THRB: variants seen among roughly 807,000 people sequenced by gnomAD.
THRB encodes thyroid hormone receptor beta, also known as nuclear receptor subfamily 1 group A member 2.
In THRB, 12 loss-of-function variants were observed where a neutral mutation model predicts 47.8. That is an observed-to-expected ratio of 0.25 (90% confidence interval 0.16 to 0.41). THRB has a LOEUF of 0.41. Ranked by LOEUF, THRB falls within the 10% of genes least tolerant of loss-of-function variation. The pLI is 1.00. For synonymous variants in THRB, 218 were observed against 212.2 expected (o/e 1.03, Z -0.24); for missense variants, 348 against 589.2 (o/e 0.59, Z 4.24).
At chr3:24,467,640 T>A (rs2074259570) in intron 1 of THRB, among the ~76,000 whole-genome samples, 1 of 152,206 alleles carries the variant, frequency 6.6e-6, no homozygotes, top group Admixed American at 6.5e-5. Flanking sequence ...CTAGATGCAT[T>A]GTCAGTGAGG....
At position 24,130,354 on chromosome 3, in the gene THRB, GGT is replaced by G. The variant is rs2033656585; in HGVS notation, c.886-2599_886-2598del. 3.3e-5 allele frequency among the ~76,000 whole-genome samples: 5 copies of G among 152,296 alleles called. No individual in the cohort carries two copies. In the South Asian group the frequency reaches 1.0e-3, roughly 32 times the overall value. On this transcript the variant is annotated intron_variant, in intron 9 of 10. Transcript: ENST00000646209. ...GAAAGTGCGCAGTGTGTTTGCTCCT[GGT>G]GGCGGAGATGGCTGCTGCTTCTGTT...
intron 2 of THRB, among the ~76,000 whole-genome samples, chr3:24,324,163 T>C (rs139635335): frequency 3.6e-4 from 55 of 152,288 alleles, no homozygotes; most frequent in Non-Finnish European, 7.3e-4. Context: ...TCTACTAGGA[T>C]CACACACCGC....
intron 4 of THRB, among the ~76,000 whole-genome samples, chr3:24,226,474 T>C (rs2047665356): frequency 2.0e-5 from 3 of 152,080 alleles, no homozygotes; most frequent in Admixed American, 1.3e-4. Flanking sequence ...TAGGTTTCTT[T>C]TGAAAATAGA....
intron 1 of THRB, among the ~76,000 whole-genome samples, chr3:24,418,342 T>A (rs1431474467): frequency 6.6e-6 from 1 of 151,434 alleles, no homozygotes; most frequent in African/African-American, 2.4e-5. Context: ...TTTTTTTTTG[T>A]CCTTAAGCTT....
intron 3 of THRB, among the ~76,000 whole-genome samples, chr3:24,253,165 T>A (rs911549220): frequency 1.3e-5 from 2 of 152,132 alleles, no homozygotes; most frequent in Non-Finnish European, 2.9e-5. Flanking sequence ...TGCAATAACA[T>A]AATAGAGGCA....
At chr3:24,342,069 T>C (rs991453243) in intron 1 of THRB, among the ~76,000 whole-genome samples, 4 of 151,768 alleles carry the variant, frequency 2.6e-5, no homozygotes, top group African/African-American at 9.7e-5. Context: ...CTATGTTTTG[T>C]GGTAATTTGT....
chr3:24,343,996 C>G (rs1397330577), intron 1 of THRB, among the ~76,000 whole-genome samples: 1 of 147,828 alleles, frequency 6.8e-6, no homozygotes, highest in African/African-American at 2.5e-5. Context: ...GAAATTTAAT[C>G]ACATACAGTT....
chr3:24,445,401 A>G (rs1247171570), intron 1 of THRB, among the ~76,000 whole-genome samples: 1 of 152,182 alleles, frequency 6.6e-6, no homozygotes, highest in Non-Finnish European at 1.5e-5. Context: ...CTGGAGTAGC[A>G]AAGGTGAAAC....
chr3:24,368,766 C>A (rs1448572583), intron 1 of THRB, among the ~76,000 whole-genome samples: 1 of 152,112 alleles, frequency 6.6e-6, no homozygotes, highest in Non-Finnish European at 1.5e-5. Flanking sequence ...TTATGTACAC[C>A]AAAACTTCCA....
At chr3:24,324,882 C>A (rs2058708143) in intron 2 of THRB, among the ~76,000 whole-genome samples, 1 of 152,128 alleles carries the variant, frequency 6.6e-6, no homozygotes, top group African/African-American at 2.4e-5. Flanking sequence ...AATGCTGTAT[C>A]TACTTGCTGA....
intron 1 of THRB, among the ~76,000 whole-genome samples, chr3:24,386,474 C>T (rs2066113461): frequency 6.6e-6 from 1 of 152,020 alleles, no homozygotes; most frequent in Non-Finnish European, 1.5e-5. Flanking sequence ...GAATAAAAAC[C>T]CCAACCCCTT....
At chr3:24,202,153 AC>A (rs2044667949) in intron 4 of THRB, among the ~76,000 whole-genome samples, 1 of 152,176 alleles carries the variant, frequency 6.6e-6, no homozygotes, top group Non-Finnish European at 1.5e-5. Context: ...GCAAACAAAA[AC>A]AAAAACTAAA....
At chr3:24,250,491 G>A (rs900871287) in intron 3 of THRB, among the ~76,000 whole-genome samples, 3 of 152,168 alleles carry the variant, frequency 2.0e-5, no homozygotes, top group Non-Finnish European at 2.9e-5. Flanking sequence ...GAGGCCAAGA[G>A]TTCAAGAGTA....
intron 3 of THRB, among the ~76,000 whole-genome samples, chr3:24,250,812 A>G (rs2050589598): frequency 1.3e-5 from 2 of 152,194 alleles, no homozygotes; most frequent in Non-Finnish European, 2.9e-5. Context: ...TTCAAAGATT[A>G]AGTAGATATA....
At chr3:24,146,938 C>G in intron 6 of THRB, 116 bp from the exon 7 acceptor site, 2 of 841,206 alleles carry the variant, frequency 2.4e-6, no homozygotes, top group South Asian at 2.9e-5. Flanking sequence ...TAACCTGTTT[C>G]TAGGCCTCTA....
intron 2 of THRB, among the ~76,000 whole-genome samples, chr3:24,326,443 C>T (rs1326619845): frequency 6.6e-6 from 1 of 152,030 alleles, no homozygotes; most frequent in Non-Finnish European, 1.5e-5. Flanking sequence ...ACTATGTTGG[C>T]CAGGCTGGTC....
chr3:24,457,902 A>C (rs951822937), intron 1 of THRB: 1 of 152,150 alleles, frequency 6.6e-6, no homozygotes, highest in Non-Finnish European at 1.5e-5. Context: ...AGCTCTTCAG[A>C]GTCATGATGG....
intron 9 of THRB, among the ~76,000 whole-genome samples, chr3:24,130,170 A>G (rs1407958246): frequency 1.3e-5 from 2 of 152,138 alleles, no homozygotes; most frequent in East Asian, 1.9e-4. Context: ...TCCCGCCACC[A>G]TTGTCTTTTG....
intron 3 of THRB, among the ~76,000 whole-genome samples, chr3:24,284,106 A>G (rs1420570468): frequency 6.8e-6 from 1 of 146,286 alleles, no homozygotes. Flanking sequence ...GAACCAAAAA[A>G]GAGCCCGCAT....
Sources: gnomAD v4.1 joint callset for allele counts (sites outside exome capture counted in the v4.1 genomes callset) on GRCh38, gnomAD v4.1.1 for gene constraint, MANE v1.5 for transcripts, NCBI Gene and HGNC (gene_info 2026-07-23, HGNC 2026-07-21) for gene names.